Variants in MROH1 observed in about 807,000 individuals in gnomAD.
MROH1 encodes the protein maestro heat-like repeat-containing protein family member 1.
MROH1 carries 117 observed loss-of-function variants against 116.5 expected under a neutral mutation model. The ratio of observed to expected loss-of-function variants is 1.00; its 90% confidence interval spans 0.86 to 1.17. The LOEUF (loss-of-function observed/expected upper bound fraction) is 1.17, where lower values mean the gene tolerates loss of function less well. Among genes scored for constraint, MROH1 ranks in the 50% most tolerant of loss-of-function variants. The probability of loss-of-function intolerance (pLI) is 0.00; values close to 1 mark genes in which losing one functional copy is unlikely to be tolerated. For missense variants in MROH1, 1,873 were observed against 1,338.5 expected, an observed-to-expected ratio of 1.40 and a Z score of -6.23; for synonymous variants, 921 against 583.9, an observed-to-expected ratio of 1.58 and a Z score of -8.32.
chr8:144,238,027 G>A (rs1373755833), intron 14 of MROH1, among the ~76,000 whole-genome samples: 10 of 152,144 alleles, frequency 6.6e-5, no homozygotes, highest in African/African-American at 2.2e-4. Context: ...TGGCCAGGTT[G>A]ATTTCTGCTT....
In MROH1 at chr8:144,166,007, T is replaced by C. The variant is rs1205516326; in HGVS notation, c.22+2159T>C. On this transcript the variant is annotated intron_variant, in intron 3 of 43. Coordinates refer to ENST00000326134, the MANE Select transcript of MROH1 (RefSeq NM_032450.3). ...AATTCTCCTGCCTCAGCCTCCTGAGTAGCTGGGACTATAGGTACCTGCCAT... is the reference window on the plus strand; with the variant it reads ...AATTCTCCTGCCTCAGCCTCCTGAGCAGCTGGGACTATAGGTACCTGCCAT... Among the ~76,000 whole-genome samples the C allele has an allele frequency of 3.3e-5, 5 of 152,084 alleles. No homozygotes were observed. The East Asian group carries it at 9.6e-4, about 29-fold the overall frequency.
intron 4 of MROH1, chr8:144,174,742 C>A: frequency 1.3e-6 from 1 of 772,570 alleles, no homozygotes; most frequent in Non-Finnish European, 1.6e-6. Context: ...CTTGGCCTCC[C>A]AAAGTGCTGG....
chr8:144,259,957 T>TGCTGGAGAGC lies in MROH1; in HGVS notation c.4092_4101dup (p.Leu1368AlafsTer32). ...AACGACCTCATGCTCTTGGACTCGC[T>TGCTGGAGAGC]GCTGGAGAGCCTGGCGGCTCGCCAG... is the stretch of plus-strand genomic sequence containing the variant. On this transcript the variant is annotated frameshift_variant, in exon 38 of 44. Coordinates refer to ENST00000326134, the MANE Select transcript of MROH1 (RefSeq NM_032450.3). LOFTEE classifies it high-confidence loss of function. 1 of 742,968 alleles carries TGCTGGAGAGC rather than the reference T, an allele frequency of 1.3e-6. No individual in the cohort carries two copies. The highest frequency in any genetic ancestry group is 1.4e-5 in the South Asian group (1 of 69,858). The allele number at this position is 742,968 out of a possible 1,614,324, so 46.0% of individuals were successfully genotyped here. A position where few individuals can be genotyped will look rare whatever the true frequency, so the allele number is the denominator to read the frequency against.
chr8:144,259,583 C>G (rs2129997271), intron 37 of MROH1, among the ~76,000 whole-genome samples: 1 of 152,340 alleles, frequency 6.6e-6, no homozygotes, highest in South Asian at 2.1e-4. Context: ...GCAGCCTGTA[C>G]TCTCCCCAAG....
At chr8:144,220,313 T>C (rs149716544) in intron 12 of MROH1, among the ~76,000 whole-genome samples, 1 of 152,214 alleles carries the variant, frequency 6.6e-6, no homozygotes, top group Admixed American at 6.5e-5. Context: ...TGAGTACCAC[T>C]GAAGGAACTT....
At position 144,172,646 on chromosome 8, in the gene MROH1, T is replaced by A. The variant is rs562252328; in HGVS notation, c.168+4206T>A. Among the ~76,000 whole-genome samples the A allele has an allele frequency of 2.0e-5, 3 of 152,202 alleles. No individual in the cohort carries two copies. In the East Asian group the frequency reaches 5.8e-4, roughly 29 times the overall value. ...GGCAGGTCTCGAACTCCTGACCTTG[T>A]GATCTGCCCACCTTGGCCTCCCAAG... On this transcript the variant is annotated intron_variant, in intron 4 of 43. Coordinates refer to ENST00000326134, the MANE Select transcript of MROH1 (RefSeq NM_032450.3).
chr8:144,218,691 T>TTCC, intron 12 of MROH1, among the ~76,000 whole-genome samples: 1 of 48,206 alleles, frequency 2.1e-5, no homozygotes, highest in Non-Finnish European at 4.1e-5. Context: ...CCCTCCCCTC[T>TTCC]CTCCTCCCCT....
intron 4 of MROH1, chr8:144,175,404 C>T (rs1030028597): frequency 2.6e-6 from 2 of 779,698 alleles, no homozygotes; most frequent in African/African-American, 3.8e-5. Context: ...ACTTGCTGTA[C>T]CCAAGCTGCT....
rs774092284 is a variant in MROH1, at chr8:144,180,269, G to A, written c.392G>A (p.Arg131His). The A allele has an allele frequency of 2.7e-5, 44 of 1,611,162 alleles. 1 individual carries two copies. Among genetic ancestry groups the A allele is most frequent in the South Asian group, 9.9e-5 (9 of 91,076 alleles). ...AGCAAGGTGATGGAGGAGCTGCTGC[G>A]CAGGCTGCACCCTGGGACCCTGCCA... ...FISKVMEELL[R>H]RLHPGTLPHC... The change falls in exon 6 of 44, where the codon CGC becomes CAC. Residue 131 changes from arginine to histidine, a missense_variant. By Grantham distance (29) the Arg-to-His change is conservative (BLOSUM62 0). Transcript: ENST00000326134. This position sits in a 1 kb window ranked among gnomAD's most constrained non-coding sequence, Gnocchi z 7.4.
chr8:144,260,227 C>T lies in MROH1; in HGVS notation c.4233C>T (p.Gly1411=), dbSNP rs1554835040. 11 of 765,610 alleles carry T rather than the reference C, an allele frequency of 1.4e-5. No homozygotes were observed. Among genetic ancestry groups the T allele is most frequent in the Admixed American group, 3.4e-5 (2 of 58,962 alleles). The allele number at this position is 765,610 out of a possible 1,614,324, so 47.4% of individuals were successfully genotyped here. The change falls in exon 39 of 44, where the codon GGC becomes GGT. Residue 1411 remains glycine, a synonymous_variant. Transcript: ENST00000326134. ...CCCAGCTCCTCACAGCCATGATTGG[C>T]GGGCTGGACGACGGGGACAACCCTC... ...HGPQLLTAMI[G]GLDDGDNPHS... is the part of the protein sequence containing the mutation.
At chr8:144,254,311 G>A (rs994871144) in intron 33 of MROH1, 1 of 154,492 alleles carries the variant, frequency 6.5e-6, no homozygotes, top group Non-Finnish European at 1.4e-5. Context: ...CAAATTTGCT[G>A]TATCTGTTTT....
intron 26 of MROH1, 122 bp downstream of exon 26, chr8:144,244,064 G>T (rs1841467431): frequency 2.8e-6 from 2 of 710,758 alleles, no homozygotes; most frequent in Non-Finnish European, 2.6e-6. Flanking sequence ...TTGCGTGTGT[G>T]CACGCCTTGT....
At chr8:144,220,826 G>A (rs1836558134) in intron 13 of MROH1, among the ~76,000 whole-genome samples, 153 bp downstream of exon 13, 1 of 152,172 alleles carries the variant, frequency 6.6e-6, no homozygotes, top group Non-Finnish European at 1.5e-5. Flanking sequence ...GTGCCATTCA[G>A]TGTGTGGCTG....
chr8:144,223,990 A>G (rs1282162365), intron 14 of MROH1, among the ~76,000 whole-genome samples: 1 of 152,220 alleles, frequency 6.6e-6, no homozygotes, highest in Non-Finnish European at 1.5e-5. Flanking sequence ...CGTGGTCGTC[A>G]GTGAGGAAGC....
At chr8:144,227,067 G>A (rs1416417565) in intron 14 of MROH1, among the ~76,000 whole-genome samples, 1 of 152,164 alleles carries the variant, frequency 6.6e-6, no homozygotes, top group African/African-American at 2.4e-5. Context: ...ATTTCTAACT[G>A]TTCATCGTTA....
intron 14 of MROH1, among the ~76,000 whole-genome samples, chr8:144,238,484 A>G (rs1301097073): frequency 2.6e-5 from 4 of 152,174 alleles, no homozygotes; most frequent in Non-Finnish European, 4.4e-5. Context: ...CCCTGCAGGC[A>G]TTGCAACCTC....
At chr8:144,175,191 G>A in intron 4 of MROH1, 1 of 981,376 alleles carries the variant, frequency 1.0e-6, no homozygotes, top group African/African-American at 1.7e-5. Flanking sequence ...AGCGGATCTG[G>A]TCGAGTGGGT....
rs1264830915 is a variant in MROH1 at position 144,192,646 on chromosome 8, CCAGGCCCAGTG to C, written c.948+256_948+266del. 5.3e-5 allele frequency: 36 copies of C among 677,840 alleles called. No homozygotes were observed. In the East Asian group the frequency reaches 8.0e-4, roughly 15 times the overall value. The allele number at this position is 677,840 out of a possible 1,614,324, so 42.0% of individuals were successfully genotyped here. On this transcript the variant is annotated intron_variant, in intron 10 of 43. Coordinates refer to ENST00000326134, the MANE Select transcript of MROH1 (RefSeq NM_032450.3). ...GGATGGAGGTGGCAGGAGTGGGTGC[CCAGGCCCAGTG>C]CAGGCCCAGTACAGGTGGTCCCAGA...
intron 1 of MROH1, among the ~76,000 whole-genome samples, chr8:144,157,989 C>CTTTTTTT (rs1157662078): frequency 6.8e-5 from 6 of 88,862 alleles, no homozygotes; most frequent in Non-Finnish European, 9.3e-5. Context: ...CTATTTCTTT[C>CTTTTTTT]TTTTTTTTTT....
Sources: gnomAD v4.1 joint callset for allele counts (sites outside exome capture counted in the v4.1 genomes callset) on GRCh38, gnomAD v4.1.1 for gene constraint, Gnocchi (gnomAD v3.1) non-coding constraint, MANE v1.5 for transcripts, NCBI Gene and HGNC (gene_info 2026-07-23, HGNC 2026-07-21) for gene names.